The following KAZN variants were observed in gnomAD, a reference collection of about 807,000 sequenced individuals.
KAZN encodes kazrin.
A neutral mutation model predicts 87.4 loss-of-function variants in KAZN; 40 were observed. The ratio of observed to expected loss-of-function variants is 0.46; its 90% CI spans 0.36 to 0.60. KAZN has a LOEUF of 0.60. Among genes scored for constraint, KAZN ranks in the 20% least tolerant of loss-of-function variants. The pLI, the probability that KAZN is intolerant of heterozygous loss-of-function variation, is 0.00. For synonymous variants in KAZN, 466 were observed against 458.3 expected (o/e 1.02, Z -0.22); for missense variants, 898 against 1,073.9 (o/e 0.84, Z 2.29).
chr1:14,867,439 A>G (rs1210744344), intron 1 of KAZN, among the ~76,000 whole-genome samples: 1 of 152,136 alleles, frequency 6.6e-6, no homozygotes, highest in Non-Finnish European at 1.5e-5. Context: ...TGCTGATGAT[A>G]GAGTTACCGT....
intron 1 of KAZN, among the ~76,000 whole-genome samples, chr1:14,770,521 T>A (rs533193593): frequency 6.6e-6 from 1 of 152,156 alleles, no homozygotes; most frequent in South Asian, 2.1e-4. Context: ...GGAACACGGG[T>A]GGTTCTGTGG....
intron 1 of KAZN, among the ~76,000 whole-genome samples, chr1:14,871,994 G>A (rs564765417): frequency 1.3e-5 from 2 of 152,092 alleles, no homozygotes; most frequent in Non-Finnish European, 2.9e-5. Flanking sequence ...GAAGAAGGGG[G>A]CATGAATATG....
chr1:14,702,365 TGG>T (rs1641975981), intron 1 of KAZN, among the ~76,000 whole-genome samples: 1 of 151,372 alleles, frequency 6.6e-6, no homozygotes, highest in South Asian at 2.1e-4. Context: ...TGTGTGTGTG[TGG>T]ATTTCTCTGT....
intron 1 of KAZN, among the ~76,000 whole-genome samples, chr1:14,943,359 C>T (rs1661372830): frequency 6.6e-6 from 1 of 152,010 alleles, no homozygotes; most frequent in South Asian, 2.1e-4. Context: ...GCAGTCACCC[C>T]CCGCCAGCTG....
Position 14,410,223 on chromosome 1 carries a change from C to A in KAZN, c.250-188760C>A, listed in dbSNP as rs376841401. 1.8e-4 allele frequency among the ~76,000 whole-genome samples: 28 copies of A among 152,318 alleles called. No individual in the cohort carries two copies. In the South Asian group the frequency reaches 4.6e-3, roughly 25 times the overall value. ...GGTTCAAACAATTCTTGTGCCTCAA[C>A]CTCCAGAGTAGCAGGGACTACAGGC... On this transcript the variant is annotated intron_variant, in intron 2 of 16. Transcript: ENST00000636203.
At chr1:14,513,388 C>T (rs1470233721) in intron 2 of KAZN, among the ~76,000 whole-genome samples, 2 of 152,218 alleles carry the variant, frequency 1.3e-5, no homozygotes, top group Admixed American at 6.5e-5. Flanking sequence ...AAACCTGGGC[C>T]CAGGCTCACT....
At position 14,558,879 on chromosome 1, in the gene KAZN, G is replaced by C. The variant is rs187747425; in HGVS notation, c.250-40104G>C. Among the ~76,000 whole-genome samples the C allele has an allele frequency of 6.6e-5, 10 of 152,256 alleles. No homozygotes were observed. In the East Asian group the frequency reaches 1.7e-3, roughly 26 times the overall value. ...AAGATAAAAGTGGGGCTTATGAAAG[G>C]CATCCGCAGTCTCATGGGGCATGGA... On this transcript the variant is annotated intron_variant, in intron 2 of 16. Transcript: ENST00000636203.
intron 2 of KAZN, among the ~76,000 whole-genome samples, chr1:14,417,507 G>A (rs1242132574): frequency 6.6e-6 from 1 of 152,198 alleles, no homozygotes; most frequent in Non-Finnish European, 1.5e-5. Flanking sequence ...GTGCCATGGA[G>A]TCAATGAAAC....
intron 1 of KAZN, among the ~76,000 whole-genome samples, chr1:14,051,771 C>T (rs1431779300): frequency 3.3e-5 from 5 of 152,098 alleles, no homozygotes; most frequent in East Asian, 1.9e-4. Flanking sequence ...ACCCGGGAGG[C>T]GGAGGTTGCA....
intron 2 of KAZN, among the ~76,000 whole-genome samples, chr1:14,293,618 C>A (rs536665203): frequency 1.3e-5 from 2 of 152,104 alleles, no homozygotes; most frequent in East Asian, 3.9e-4. Context: ...TCTCCTGTCC[C>A]TCTTTCAATT....
chr1:14,441,874 C>T (rs60337645), intron 2 of KAZN, among the ~76,000 whole-genome samples: 3,946 of 152,234 alleles, frequency 0.026, 196 homozygotes, highest in East Asian at 0.18. Flanking sequence ...ACACTGGACC[C>T]GTAGCCAGAA....
At chr1:15,110,539 GCATATGTGTT>G (rs1283312909) in intron 13 of KAZN, among the ~76,000 whole-genome samples, 819 of 66,230 alleles carry the variant, frequency 0.012, 5 homozygotes, top group African/African-American at 0.03. Flanking sequence ...TTGTGTGTGT[GCATATGTGTT>G]TGTGTGTGTG....
At chr1:13,953,084 G>T (rs1400292782) in intron 1 of KAZN, among the ~76,000 whole-genome samples, 1 of 152,182 alleles carries the variant, frequency 6.6e-6, no homozygotes, top group Non-Finnish European at 1.5e-5. Flanking sequence ...AGAACAGGCT[G>T]TGGTGGGAAC....
intron 2 of KAZN, among the ~76,000 whole-genome samples, chr1:14,519,440 G>C (rs1671465130): frequency 6.6e-6 from 1 of 152,170 alleles, no homozygotes; most frequent in African/African-American, 2.4e-5. Context: ...ATACATGTCA[G>C]GGACAGTGAG....
At chr1:15,103,578 AATGGGCAAATCC>A (rs1641174554) in intron 12 of KAZN, 118 bp downstream of exon 12, 2 of 726,976 alleles carry the variant, frequency 2.8e-6, no homozygotes, top group African/African-American at 3.5e-5. Context: ...CATGCAAATC[AATGGGCAAATCC>A]CACACAAATT....
At chr1:14,943,013 T>TG (rs1661294438) in intron 1 of KAZN, among the ~76,000 whole-genome samples, 1 of 78,246 alleles carries the variant, frequency 1.3e-5, no homozygotes, top group African/African-American at 7.6e-5. Flanking sequence ...GTGTGGTGTG[T>TG]GTGTGTGTGT....
intron 2 of KAZN, among the ~76,000 whole-genome samples, chr1:14,986,295 C>T (rs1666818415): frequency 6.6e-6 from 1 of 152,232 alleles, no homozygotes; most frequent in Non-Finnish European, 1.5e-5. Flanking sequence ...CGGTCCTCGT[C>T]CTGAGTGCTT....
Position 14,598,696 on chromosome 1 carries a change from A to G in KAZN, c.-302A>G, listed in dbSNP as rs1037534520. 2 of 1,306,444 alleles carry G rather than the reference A, an allele frequency of 1.5e-6. No homozygotes were observed. The highest frequency in any genetic ancestry group is 3.1e-5 in the African/African-American group (2 of 63,920). 80.9% of individuals were successfully genotyped at this position (1,306,444 alleles called of 1,614,324 possible). On this transcript the variant is annotated 5_prime_UTR_variant, in exon 1 of 15. Coordinates refer to ENST00000376030, the MANE Select transcript of KAZN (RefSeq NM_201628.3). The surrounding 1 kb of genome is among the most constrained non-coding windows in gnomAD (Gnocchi z 4.2). The stretch of plus-strand genomic sequence containing the variant: ...TGGCGCGCGGTGTCCTTCTTGGAGC[A>G]GCTCTCGGCGCCCGCCCGCCGGGGT...
At chr1:14,395,935 G>A (rs777613633) in intron 2 of KAZN, among the ~76,000 whole-genome samples, 31 of 151,958 alleles carry the variant, frequency 2.0e-4, no homozygotes, top group Non-Finnish European at 4.0e-4. Flanking sequence ...TTGGGAGGCC[G>A]AGGCAGGTAG....
Sources: allele counts gnomAD v4.1 joint callset (sites outside exome capture counted in the v4.1 genomes callset), GRCh38; gene constraint gnomAD v4.1.1; non-coding constraint Gnocchi (gnomAD v3.1); transcripts MANE v1.5; gene names NCBI Gene and HGNC (gene_info 2026-07-23, HGNC 2026-07-21).